Variants in PRCC observed in about 807,000 individuals in gnomAD.
PRCC encodes the protein proline rich mitotic checkpoint control factor.
A neutral mutation model predicts 44.0 loss-of-function variants in PRCC; 10 were observed. That is an observed-to-expected ratio of 0.23 (90% CI 0.14 to 0.39). The LOEUF (loss-of-function observed/expected upper bound fraction) is 0.39, where lower values mean the gene tolerates loss of function less well. Among genes scored for constraint, PRCC ranks in the 10% least tolerant of loss-of-function variants. The pLI, the probability that PRCC is intolerant of heterozygous loss-of-function variation, is 1.00. For missense variants in PRCC, 573 were observed against 624.7 expected (o/e 0.92, Z 0.88); for synonymous variants, 278 against 259.5 (o/e 1.07, Z -0.69).
At chr1:156,779,896 A>G (rs1301890676) in intron 1 of PRCC, among the ~76,000 whole-genome samples, 1 of 138,158 alleles carries the variant, frequency 7.2e-6, no homozygotes, top group African/African-American at 2.7e-5. Context: ...TGCCTGGTCT[A>G]TTTTTTTTTT....
intron 1 of PRCC, among the ~76,000 whole-genome samples, chr1:156,772,956 T>C (rs1179059466): frequency 6.6e-6 from 1 of 152,188 alleles, no homozygotes; most frequent in Non-Finnish European, 1.5e-5. Flanking sequence ...GGATGAGATT[T>C]GTTGTGTTTA....
intron 3 of PRCC, among the ~76,000 whole-genome samples, chr1:156,789,861 C>T (rs536814135): frequency 6.6e-6 from 1 of 152,324 alleles, no homozygotes; most frequent in African/African-American, 2.4e-5. Context: ...ACGTTGTATT[C>T]ACCTGTTGTT....
intron 1 of PRCC, among the ~76,000 whole-genome samples, chr1:156,769,100 G>C (rs2102749442): frequency 6.6e-6 from 1 of 152,362 alleles, no homozygotes; most frequent in Non-Finnish European, 1.5e-5. Flanking sequence ...CCTTGGAGCA[G>C]GAACTGCTTA....
At chr1:156,781,131 A>G (rs958181468) in intron 1 of PRCC, among the ~76,000 whole-genome samples, 9 of 152,302 alleles carry the variant, frequency 5.9e-5, no homozygotes, top group African/African-American at 1.4e-4. Flanking sequence ...CACACACGGA[A>G]TCTTTGAAGC....
At position 156,791,728 on chromosome 1, in the gene PRCC, A is replaced by G; in HGVS notation, c.1115A>G (p.Gln372Arg). ...TACAGTGGTGGCTACTATCCTGCAC[A>G]GGACCCGGCCCTGGTCCCCCCCCAG... ...DYYSGGYYPA[Q>R]DPALVPPQEI... Residue 372 changes from glutamine to arginine, a missense_variant, in exon 4 of 7, where the codon CAG becomes CGG. By Grantham distance (43) the Gln-to-Arg change is conservative. This residue lies in a region of PRCC where 141 missense variants were observed against 130.2 expected (regional missense o/e 1.08). Transcript: ENST00000271526. The G allele has an allele frequency of 5.0e-6, 8 of 1,613,970 alleles. No individual in the cohort carries two copies. Among genetic ancestry groups the G allele is most frequent in the Non-Finnish European group, 6.8e-6 (8 of 1,179,952 alleles).
At chr1:156,792,919 T>C (rs1652543412) in intron 4 of PRCC, among the ~76,000 whole-genome samples, 1 of 152,160 alleles carries the variant, frequency 6.6e-6, no homozygotes, top group Non-Finnish European at 1.5e-5. Context: ...CACATAATGG[T>C]CTCTCACTGC....
chr1:156,797,294 A>G lies in PRCC; in HGVS notation c.1342A>G (p.Thr448Ala). ...SFSKKKGEQPTGQQRRKHQIT... is the reference protein window; with the variant it reads ...SFSKKKGEQPAGQQRRKHQIT... The stretch of plus-strand genomic sequence containing the variant: ...CTTGCAGAAGAAAGGTGAGCAGCCA[A>G]CAGGCCAGCAGCGGCGGAAACACCA... The change falls in exon 6 of 7, where the codon ACA (threonine) becomes GCA (alanine). Residue 448 changes from threonine to alanine, a missense_variant. Thr to Ala is a moderately conservative substitution (Grantham distance 58). This residue lies in a region of PRCC where 69 missense variants were observed against 139.3 expected (regional missense o/e 0.50). Coordinates refer to ENST00000271526, the MANE Select transcript of PRCC (RefSeq NM_005973.5). 3 of 1,614,202 alleles carry G rather than the reference A, an allele frequency of 1.9e-6. No individual in the cohort carries two copies. The highest frequency in any genetic ancestry group is 2.5e-6 in the Non-Finnish European group (3 of 1,180,016).
At position 156,767,849 on chromosome 1, in the gene PRCC, G is replaced by C. The variant is rs774458950; in HGVS notation, c.78G>C (p.Ala26=). 1 of 1,609,896 alleles carries C rather than the reference G, an allele frequency of 6.2e-7. No homozygotes were observed. Among genetic ancestry groups the C allele is most frequent in the Non-Finnish European group, 8.5e-7 (1 of 1,178,856 alleles). The change falls in exon 1 of 7, where the codon GCG becomes GCC. Residue 26 remains alanine, a synonymous_variant. Transcript: ENST00000271526. The part of the protein sequence containing the change: ...EAEPEPEEEE[A]VAPTSGPALG... ...AGCCCGAGCCGGAGGAAGAGGAGGCGGTGGCTCCTACATCTGGGCCCGCTT... is the reference window on the plus strand; with the variant it reads ...AGCCCGAGCCGGAGGAAGAGGAGGCCGTGGCTCCTACATCTGGGCCCGCTT...
At chr1:156,791,492 G>A in intron 3 of PRCC, 1 of 581,702 alleles carries the variant, frequency 1.7e-6, no homozygotes, top group African/African-American at 1.9e-5. Flanking sequence ...GGATAGTGTA[G>A]ATGAGAAAAG....
chr1:156,791,733 C>T lies in PRCC; in HGVS notation c.1120C>T (p.Pro374Ser), dbSNP rs756825025. ...YSGGYYPAQDPALVPPQEIAP... is the reference protein window; with the variant it reads ...YSGGYYPAQDSALVPPQEIAP... ...TGGTGGCTACTATCCTGCACAGGAC[C>T]CGGCCCTGGTCCCCCCCCAGGAAAT... is the stretch of plus-strand genomic sequence containing the variant. The change falls in exon 4 of 7, where the codon CCG (proline) becomes TCG (serine). Residue 374 changes from proline to serine, a missense_variant. Physicochemically the swap from Pro to Ser is moderately conservative, Grantham distance 74. This residue lies in a region of PRCC where 141 missense variants were observed against 130.2 expected (regional missense o/e 1.08). Transcript: ENST00000271526. The T allele has an allele frequency of 6.2e-7, 1 of 1,613,970 alleles. No individual in the cohort carries two copies. The highest frequency in any genetic ancestry group is 1.1e-5 in the South Asian group (1 of 91,066).
At chr1:156,782,555 ACAGG>A (rs2102761792) in intron 2 of PRCC, among the ~76,000 whole-genome samples, 1 of 152,292 alleles carries the variant, frequency 6.6e-6, no homozygotes, top group Admixed American at 6.5e-5. Flanking sequence ...TTCCTGGAAG[ACAGG>A]CAGTGGTAGG....
Position 156,768,057 on chromosome 1 carries a change from G to A in PRCC, c.286G>A (p.Val96Met), listed in dbSNP as rs1481188249. 9 of 1,589,434 alleles carry A rather than the reference G, an allele frequency of 5.7e-6. No individual in the cohort carries two copies. Among genetic ancestry groups the A allele is most frequent in the Non-Finnish European group, 6.0e-6 (7 of 1,167,152 alleles). ...GLGGFPPPPG[V>M]SPAEAAGVGE... ...GGGAGGCTTCCCCCCACCTCCAGGC[G>A]TGAGCCCGGCTGAAGCGGCGGGAGT... The change falls in exon 1 of 7, where the codon GTG (valine) becomes ATG (methionine). Residue 96 changes from valine (V) to methionine (M), a missense_variant. Transcript: ENST00000271526.
intron 2 of PRCC, among the ~76,000 whole-genome samples, chr1:156,786,319 C>CA (rs1652243146): frequency 1.3e-5 from 2 of 152,072 alleles, no homozygotes; most frequent in African/African-American, 2.4e-5. Context: ...GTTGAAGACA[C>CA]AGAGTTGAGG....
intron 1 of PRCC, among the ~76,000 whole-genome samples, chr1:156,776,715 A>C (rs1558047100): frequency 6.6e-6 from 1 of 152,136 alleles, no homozygotes; most frequent in African/African-American, 2.4e-5. Flanking sequence ...TTTGGGTAAA[A>C]TTTGTTTATT....
chr1:156,772,059 A>G (rs1651656818), intron 1 of PRCC, among the ~76,000 whole-genome samples: 1 of 152,178 alleles, frequency 6.6e-6, no homozygotes, highest in African/African-American at 2.4e-5. Context: ...GGGTTTCACC[A>G]TGTTGCCAAG....
chr1:156,794,000 C>G (rs1290407122), intron 4 of PRCC, among the ~76,000 whole-genome samples: 2 of 145,144 alleles, frequency 1.4e-5, no homozygotes, highest in Non-Finnish European at 3.0e-5. Context: ...TCTTCCCGCC[C>G]AGGCTGGAGT....
chr1:156,767,819 G>T lies in PRCC; in HGVS notation c.48G>T (p.Glu16Asp). Reference protein sequence around the residue: ...YASSDESEPDEAEPEPEEEEA... With the variant: ...YASSDESEPDDAEPEPEEEEA... The stretch of plus-strand genomic sequence containing the variant: ...GCAGCGATGAGAGCGAGCCGGATGA[G>T]GCTGAGCCCGAGCCGGAGGAAGAGG... Residue 16 changes from glutamate to aspartate, a missense_variant, in exon 1 of 7, where the codon GAG (glutamate) becomes GAT (aspartate). Glu to Asp is a conservative substitution (Grantham distance 45, BLOSUM62 2). This residue lies in a region of PRCC where 245 missense variants were observed against 188.5 expected (regional missense o/e 1.30). Coordinates refer to ENST00000271526, the MANE Select transcript of PRCC (RefSeq NM_005973.5). 2.5e-6 allele frequency: 4 copies of T among 1,610,346 alleles called. No homozygotes were observed. Among genetic ancestry groups the T allele is most frequent in the Non-Finnish European group, 3.4e-6 (4 of 1,179,146 alleles).
intron 5 of PRCC, chr1:156,796,744 G>A (rs189090058): frequency 3.4e-4 from 53 of 153,848 alleles, no homozygotes; most frequent in Non-Finnish European, 6.4e-4. Context: ...ATTGATGGGA[G>A]CGAGCTTGAT....
At position 156,767,628 on chromosome 1, in the gene PRCC, C is replaced by A; in HGVS notation, c.-144C>A. 1.3e-6 allele frequency: 1 copy of A among 774,760 alleles called. No homozygotes were observed. Among genetic ancestry groups the A allele is most frequent in the Non-Finnish European group, 2.0e-6 (1 of 491,890 alleles). 48.0% of individuals were successfully genotyped at this position (774,760 alleles called of 1,614,324 possible). On this transcript the variant is annotated 5_prime_UTR_variant, in exon 1 of 7. The change creates a premature stop within an existing upstream ORF in the 5' untranslated region. Transcript: ENST00000271526. ...AATCAGCCGTAGCCATGAGTTTCTG[C>A]CGGGGCTAGCCCTAGAGTACGGAGC...
Sources: allele counts gnomAD v4.1 joint callset (sites outside exome capture counted in the v4.1 genomes callset), GRCh38; gene constraint gnomAD v4.1.1; regional missense constraint gnomAD v4.1.1; transcripts MANE v1.5; gene names NCBI Gene and HGNC (gene_info 2026-07-23, HGNC 2026-07-21).